The following NTM variants were observed in gnomAD, a reference collection of about 807,000 sequenced individuals.
The protein encoded by NTM is IgLON family member 2.
Under a neutral mutation model 42.1 loss-of-function variants are expected in NTM, and 13 were observed. The ratio of observed to expected loss-of-function variants is 0.31; its 90% confidence interval spans 0.20 to 0.49. NTM has a LOEUF of 0.49. Ranked by LOEUF, NTM falls within the 20% of genes least tolerant of loss-of-function variation. The pLI is 0.99. For missense variants in NTM, 373 were observed against 452.8 expected (o/e 0.82, Z 1.60); for synonymous variants, 187 against 179.2 (o/e 1.04, Z -0.35).
intron 1 of NTM, among the ~76,000 whole-genome samples, chr11:131,706,402 A>T (rs1356219913): frequency 6.6e-6 from 1 of 152,084 alleles, no homozygotes; most frequent in Non-Finnish European, 1.5e-5. Context: ...CAAATACCTC[A>T]TTTACAATAA....
chr11:132,129,813 A>G (rs574882747), intron 2 of NTM, among the ~76,000 whole-genome samples: 1 of 152,334 alleles, frequency 6.6e-6, no homozygotes, highest in African/African-American at 2.4e-5. Context: ...TACAGCCTCA[A>G]CATTCTGAGC....
At chr11:131,384,534 GT>G (rs1309235133) in intron 1 of NTM, among the ~76,000 whole-genome samples, 4 of 150,414 alleles carry the variant, frequency 2.7e-5, no homozygotes, top group African/African-American at 9.8e-5. Context: ...GAAAATGAGT[GT>G]AATTATTTCA....
intron 1 of NTM, among the ~76,000 whole-genome samples, chr11:131,685,394 C>G (rs2073720640): frequency 6.6e-6 from 1 of 152,202 alleles, no homozygotes. Flanking sequence ...AGCACTCAGA[C>G]TTCCCCAGAA....
intron 1 of NTM, among the ~76,000 whole-genome samples, chr11:131,803,424 T>G (rs1015430238): frequency 6.6e-6 from 1 of 152,040 alleles, no homozygotes; most frequent in African/African-American, 2.4e-5. Flanking sequence ...TTCTCCTGCC[T>G]CAGCCTCCCA....
chr11:132,086,618 C>T (rs150578096), intron 2 of NTM, among the ~76,000 whole-genome samples: 190 of 152,310 alleles, frequency 1.2e-3, no homozygotes, highest in African/African-American at 4.2e-3. Flanking sequence ...TCAATTAAGA[C>T]GCTAAAAGCA....
chr11:131,672,874 GCCT>G (rs2134666258), intron 1 of NTM, among the ~76,000 whole-genome samples: 1 of 100,238 alleles, frequency 1.0e-5, no homozygotes, highest in East Asian at 3.2e-4. Context: ...CGTGTTCCTT[GCCT>G]ATTTCCCTTA....
intron 4 of NTM, among the ~76,000 whole-genome samples, chr11:132,224,352 G>T (rs1448848764): frequency 6.6e-6 from 1 of 152,134 alleles, no homozygotes; most frequent in Non-Finnish European, 1.5e-5. Flanking sequence ...AGAGCCCAGT[G>T]GATGGGTGTG....
intron 1 of NTM, among the ~76,000 whole-genome samples, chr11:131,694,285 G>T (rs2075156002): frequency 6.6e-6 from 1 of 152,194 alleles, no homozygotes; most frequent in African/African-American, 2.4e-5. Context: ...TACCCTTGCA[G>T]CATCTACTCT....
chr11:132,160,323 G>A (rs1450293070), intron 3 of NTM, among the ~76,000 whole-genome samples: 4 of 152,200 alleles, frequency 2.6e-5, no homozygotes, highest in East Asian at 3.9e-4. Context: ...ACCAGGAAGT[G>A]CCCTCAAGGG....
chr11:131,742,239 A>C (rs2081289321), intron 1 of NTM, among the ~76,000 whole-genome samples: 1 of 152,208 alleles, frequency 6.6e-6, no homozygotes, highest in African/African-American at 2.4e-5. Flanking sequence ...AAAGATAAAA[A>C]ATAAAAGAAT....
rs373438098 is a variant in NTM at position 132,081,538 on chromosome 11, CT to C, written c.168-64743del. 5.8e-3 allele frequency among the ~76,000 whole-genome samples: 880 copies of C among 152,150 alleles called. 7 individuals are homozygous for C. The highest frequency in any genetic ancestry group is 0.02 in the African/African-American group (846 of 41,514). On this transcript the variant is annotated intron_variant, in intron 2 of 8. Coordinates refer to ENST00000683400, the MANE Select transcript of NTM (RefSeq NM_001352005.2). The stretch of plus-strand genomic sequence containing the variant: ...ACAAGGTCAGGAGATCGAGACCATC[CT>C]GGCTAACACGGTGAAACCCCGTCTC...
chr11:131,457,592 A>T (rs1201235334), intron 1 of NTM, among the ~76,000 whole-genome samples: 1 of 152,242 alleles, frequency 6.6e-6, no homozygotes, highest in Non-Finnish European at 1.5e-5. Context: ...GTAAGTTTAC[A>T]TACAGTGCCT....
chr11:131,745,508 G>A (rs2081707386), intron 1 of NTM, among the ~76,000 whole-genome samples: 1 of 152,042 alleles, frequency 6.6e-6, no homozygotes, highest in Non-Finnish European at 1.5e-5. Flanking sequence ...TACAGCTTTC[G>A]GCCCCATCAT....
At chr11:131,827,319 T>G (rs1259427583) in intron 1 of NTM, among the ~76,000 whole-genome samples, 1 of 152,158 alleles carries the variant, frequency 6.6e-6, no homozygotes, top group East Asian at 1.9e-4. Flanking sequence ...AAGAATCAGA[T>G]GGATCTGGCA....
chr11:131,619,148 G>A (rs2062259326), intron 1 of NTM, among the ~76,000 whole-genome samples: 1 of 152,220 alleles, frequency 6.6e-6, no homozygotes. Context: ...AAGCCCATGA[G>A]AGAATGCACA....
chr11:131,608,523 T>G (rs1454044009), intron 1 of NTM, among the ~76,000 whole-genome samples: 1 of 152,214 alleles, frequency 6.6e-6, no homozygotes, highest in Non-Finnish European at 1.5e-5. Context: ...TCCCATCATT[T>G]CTTATGGTGA....
At chr11:132,067,276 C>G (rs1336714309) in intron 2 of NTM, among the ~76,000 whole-genome samples, 1 of 152,230 alleles carries the variant, frequency 6.6e-6, no homozygotes, top group Non-Finnish European at 1.5e-5. Context: ...TTTTTAGCCT[C>G]TCACAGTGTG....
At chr11:132,010,825 C>A (rs1199052607) in intron 2 of NTM, among the ~76,000 whole-genome samples, 1 of 152,022 alleles carries the variant, frequency 6.6e-6, no homozygotes, top group East Asian at 1.9e-4. Context: ...TGCTATCTCT[C>A]TTAAGAATTC....
intron 4 of NTM, among the ~76,000 whole-genome samples, chr11:132,272,490 G>A (rs996958496): frequency 6.6e-6 from 1 of 151,990 alleles, no homozygotes; most frequent in Admixed American, 6.6e-5. Flanking sequence ...TTAACATTAA[G>A]CCTTCCAATT....
Sources: gnomAD v4.1 joint callset for allele counts (sites outside exome capture counted in the v4.1 genomes callset) on GRCh38, gnomAD v4.1.1 for gene constraint, MANE v1.5 for transcripts, NCBI Gene and HGNC (gene_info 2026-07-23, HGNC 2026-07-21) for gene names.